Variants in PTPRZ1 observed in about 807,000 individuals in gnomAD.
PTPRZ1 encodes protein tyrosine phosphatase receptor type Z1, also known as receptor-type tyrosine-protein phosphatase zeta.
Under a neutral mutation model 214.1 loss-of-function variants are expected in PTPRZ1, and 82 were observed. That is an observed-to-expected ratio of 0.38 (90% confidence interval 0.32 to 0.46). PTPRZ1 has a LOEUF of 0.46. Ranked by LOEUF, PTPRZ1 falls within the 20% of genes least tolerant of loss-of-function variation. The probability of loss-of-function intolerance (pLI) is 1.00; values close to 1 mark genes in which losing one functional copy is unlikely to be tolerated. For missense variants in PTPRZ1, 2,603 were observed against 2,748.7 expected (o/e 0.95, Z 1.19); for synonymous variants, 945 against 987.9 (o/e 0.96, Z 0.81).
intron 2 of PTPRZ1, among the ~76,000 whole-genome samples, chr7:121,930,439 AGG>A (rs1198197035): frequency 1.3e-5 from 2 of 152,110 alleles, no homozygotes; most frequent in African/African-American, 2.4e-5. Flanking sequence ...TATTTACTTG[AGG>A]AATTTCTTTT....
intron 1 of PTPRZ1, among the ~76,000 whole-genome samples, chr7:121,909,270 G>T (rs1795202677): frequency 6.6e-6 from 1 of 152,082 alleles, no homozygotes; most frequent in South Asian, 2.1e-4. Context: ...CAATAAAGGG[G>T]ATTCATGGGA....
At chr7:121,910,245 A>G (rs1257504395) in intron 1 of PTPRZ1, among the ~76,000 whole-genome samples, 2 of 152,026 alleles carry the variant, frequency 1.3e-5, no homozygotes, top group African/African-American at 2.4e-5. Context: ...CTTGAATGTC[A>G]CTTCTCAGCA....
In PTPRZ1 at chr7:121,873,307, C is replaced by A; in HGVS notation, c.-193C>A. 1 of 547,156 alleles carries A rather than the reference C, an allele frequency of 1.8e-6. No individual in the cohort carries two copies. Among genetic ancestry groups the A allele is most frequent in the Non-Finnish European group, 3.2e-6 (1 of 313,208 alleles). 33.9% of individuals were successfully genotyped at this position (547,156 alleles called of 1,614,324 possible). ...TGTCTCTGACTGTCTCTCTCTGTCT[C>A]TGTCTCTGTCTCTCTCTCTCTCACA... On this transcript the variant is annotated 5_prime_UTR_variant, in exon 1 of 30. In the 5' UTR this introduces an upstream ATG that the reference lacks. Transcript: ENST00000393386.
intron 2 of PTPRZ1, among the ~76,000 whole-genome samples, chr7:121,967,387 C>T (rs1797076914): frequency 6.6e-6 from 1 of 152,088 alleles, no homozygotes; most frequent in Admixed American, 6.5e-5. Flanking sequence ...GGAAATTAAA[C>T]CAAATCTTTC....
At chr7:121,990,783 G>A (rs956194629) in intron 8 of PTPRZ1, among the ~76,000 whole-genome samples, 9 of 152,084 alleles carry the variant, frequency 5.9e-5, no homozygotes, top group African/African-American at 2.2e-4. Context: ...ACCTCCCAAA[G>A]TGCTGAGATT....
At chr7:121,953,544 A>G (rs1049103789) in intron 2 of PTPRZ1, among the ~76,000 whole-genome samples, 11 of 152,202 alleles carry the variant, frequency 7.2e-5, no homozygotes, top group African/African-American at 2.4e-4. Context: ...TCACTTTGCA[A>G]TACAAAGAAA....
chr7:121,961,680 C>G (rs1796882787), intron 2 of PTPRZ1, among the ~76,000 whole-genome samples: 1 of 152,166 alleles, frequency 6.6e-6, no homozygotes, highest in Admixed American at 6.5e-5. Context: ...TGAAGACATT[C>G]ATTTGATGCA....
intron 6 of PTPRZ1, among the ~76,000 whole-genome samples, chr7:121,979,240 T>C (rs2116553245): frequency 6.6e-6 from 1 of 152,168 alleles, no homozygotes; most frequent in African/African-American, 2.4e-5. Flanking sequence ...ACCTACTCTA[T>C]GTTAGGCATT....
chr7:122,027,506 C>T (rs1299470387), intron 13 of PTPRZ1, among the ~76,000 whole-genome samples: 2 of 152,142 alleles, frequency 1.3e-5, no homozygotes, highest in Non-Finnish European at 2.9e-5. Context: ...CATTAAAACT[C>T]ATTAGGATAA....
intron 20 of PTPRZ1, among the ~76,000 whole-genome samples, chr7:122,040,417 C>A (rs192747470): frequency 8.5e-5 from 13 of 152,270 alleles, no homozygotes; most frequent in African/African-American, 3.1e-4. Context: ...GAGAAGAATT[C>A]TTTATTCTTC....
chr7:121,904,960 G>A (rs1241351501), intron 1 of PTPRZ1, among the ~76,000 whole-genome samples: 1 of 152,142 alleles, frequency 6.6e-6, no homozygotes, highest in African/African-American at 2.4e-5. Context: ...GAGTTTGGTA[G>A]ATTTAAAGTA....
In PTPRZ1 at chr7:122,010,706, T is replaced by C. The variant is rs1798628025; in HGVS notation, c.1660T>C (p.Ser554Pro). 2.5e-6 allele frequency: 4 copies of C among 1,613,874 alleles called. No individual in the cohort carries two copies. Among genetic ancestry groups the C allele is most frequent in the Non-Finnish European group, 3.4e-6 (4 of 1,179,960 alleles). The stretch of plus-strand genomic sequence containing the variant: ...TCTTAGATCTCCACATATGAACTTG[T>C]CGGGGACTGCAGAATCCTTAAATAC... ...TVLRSPHMNLSGTAESLNTVS... is the reference protein window; with the variant it reads ...TVLRSPHMNLPGTAESLNTVS... Residue 554 changes from serine (S) to proline (P), a missense_variant, in exon 12 of 30, where the codon TCG becomes CCG. Physicochemically the swap from Ser to Pro is moderately conservative, Grantham distance 74 (BLOSUM62 -1). This residue lies in a region of PTPRZ1 where 1,913 missense variants were observed against 1,914.3 expected (regional missense o/e 1.00). Coordinates refer to ENST00000393386, the MANE Select transcript of PTPRZ1 (RefSeq NM_002851.3).
chr7:121,978,533 A>G (rs1295111086), intron 6 of PTPRZ1, among the ~76,000 whole-genome samples: 1 of 152,172 alleles, frequency 6.6e-6, no homozygotes, highest in Admixed American at 6.5e-5. Context: ...GAACACTTAT[A>G]AAGCCATCAA....
At chr7:122,024,936 T>G (rs1478343938) in intron 13 of PTPRZ1, among the ~76,000 whole-genome samples, 2 of 152,188 alleles carry the variant, frequency 1.3e-5, no homozygotes, top group African/African-American at 4.8e-5. Context: ...TACCTATATA[T>G]CTTATCTCTC....
intron 1 of PTPRZ1, among the ~76,000 whole-genome samples, chr7:121,899,950 A>T (rs879573436): frequency 3.3e-5 from 5 of 152,210 alleles, no homozygotes; most frequent in Admixed American, 1.3e-4. Context: ...AGGGGCCTGC[A>T]AAGCTATTGG....
At chr7:121,999,043 C>A (rs1241832863) in intron 10 of PTPRZ1, among the ~76,000 whole-genome samples, 1 of 152,068 alleles carries the variant, frequency 6.6e-6, no homozygotes, top group African/African-American at 2.4e-5. Context: ...GCTGTTCTTA[C>A]TAGTTGACTT....
At chr7:121,922,574 CAAAAA>C (rs34974311) in intron 1 of PTPRZ1, among the ~76,000 whole-genome samples, 1 of 145,982 alleles carries the variant, frequency 6.9e-6, no homozygotes, top group Non-Finnish European at 1.5e-5. Flanking sequence ...GACTCCGCCT[CAAAAA>C]AAAAAGTTGA....
Position 122,004,837 on chromosome 7 carries a change from T to A in PTPRZ1, c.1287+177T>A, listed in dbSNP as rs575029277. ...CACATAATTTATATACATGATTCTCTTATGAAGAAGTTGAAAGATGTTTTG... is the reference window on the plus strand; with the variant it reads ...CACATAATTTATATACATGATTCTCATATGAAGAAGTTGAAAGATGTTTTG... On this transcript the variant is annotated intron_variant, in intron 11 of 29. Transcript: ENST00000393386. Among the ~76,000 whole-genome samples the A allele has an allele frequency of 3.3e-5, 5 of 152,168 alleles. No individual in the cohort carries two copies. In the South Asian group the frequency reaches 1.0e-3, roughly 32 times the overall value.
intron 20 of PTPRZ1, among the ~76,000 whole-genome samples, chr7:122,040,432 A>G (rs1799689257): frequency 6.6e-6 from 1 of 152,168 alleles, no homozygotes; most frequent in South Asian, 2.1e-4. Context: ...TTCTTCAGGT[A>G]ACCTATCCTA....
Sources: allele counts gnomAD v4.1 joint callset (sites outside exome capture counted in the v4.1 genomes callset), GRCh38; gene constraint gnomAD v4.1.1; regional missense constraint gnomAD v4.1.1; transcripts MANE v1.5; gene names NCBI Gene and HGNC (gene_info 2026-07-23, HGNC 2026-07-21).